Variants in RNF180 observed in about 807,000 individuals in gnomAD.
RNF180 encodes ring finger protein 180.
A neutral mutation model predicts 59.2 loss-of-function variants in RNF180; 38 were observed. That is an observed-to-expected ratio of 0.64 (90% CI 0.50 to 0.84). The LOEUF (loss-of-function observed/expected upper bound fraction) is 0.84. RNF180 is among the 40% of genes least tolerant of loss of function. RNF180 has a pLI of 0.00. For synonymous variants in RNF180, 262 were observed against 240.3 expected (o/e 1.09, Z -0.84); for missense variants, 705 against 700.9 (o/e 1.01, Z -0.07).
rs148349193 is a variant in RNF180, at chr5:64,333,214, A to G, written c.1579+2808A>G. ...TTTTTTTGAGACAAAGTCTGGCTCT[A>G]TCGCCCAGGCTAGAGTGTAGTGGCG... On this transcript the variant is annotated intron_variant, in intron 7 of 7. Coordinates refer to ENST00000389100, the MANE Select transcript of RNF180 (RefSeq NM_001113561.2). 8.7e-4 allele frequency among the ~76,000 whole-genome samples: 133 copies of G among 152,256 alleles called. 1 individual carries two copies. Among genetic ancestry groups the G allele is most frequent in the African/African-American group, 3.0e-3 (126 of 41,542 alleles).
chr5:64,214,134 C>T lies in RNF180; in HGVS notation c.808C>T (p.Pro270Ser). 1.2e-6 allele frequency: 2 copies of T among 1,614,072 alleles called. No homozygotes were observed. The highest frequency in any genetic ancestry group is 1.1e-5 in the South Asian group (1 of 91,084). Reference sequence around the variant, plus strand: ...ACAGCCTATTGACCTTTCAGGCTTGCCTTTACAATCTAGTAAAAATAGCTA... The same window carrying T: ...ACAGCCTATTGACCTTTCAGGCTTGTCTTTACAATCTAGTAAAAATAGCTA... The part of the protein sequence containing the change: ...ETQPIDLSGL[P>S]LQSSKNSYSF... Residue 270 changes from proline to serine, a missense_variant, in exon 4 of 8, where the codon CCT becomes TCT. By Grantham distance (74) the Pro-to-Ser change is moderately conservative. Transcript: ENST00000389100.
chr5:64,186,938 AGT>A (rs1484415175), intron 1 of RNF180, among the ~76,000 whole-genome samples: 2 of 152,172 alleles, frequency 1.3e-5, no homozygotes, highest in Non-Finnish European at 2.9e-5. Context: ...ATAAGAAAGT[AGT>A]GTGTTAGAAG....
At chr5:64,239,262 A>G (rs1183521478) in intron 5 of RNF180, among the ~76,000 whole-genome samples, 1 of 152,172 alleles carries the variant, frequency 6.6e-6, no homozygotes, top group African/African-American at 2.4e-5. Context: ...TGTTAGAAAC[A>G]TACGTACCTA....
intron 5 of RNF180, among the ~76,000 whole-genome samples, chr5:64,291,038 T>G (rs1742555382): frequency 1.3e-5 from 2 of 152,188 alleles, no homozygotes; most frequent in Non-Finnish European, 2.9e-5. Context: ...TGGTGACAAA[T>G]TCCCTCAGCA....
At chr5:64,291,727 C>G (rs1742600468) in intron 5 of RNF180, among the ~76,000 whole-genome samples, 1 of 151,994 alleles carries the variant, frequency 6.6e-6, no homozygotes, top group Non-Finnish European at 1.5e-5. Flanking sequence ...GTGCCCGGCC[C>G]TGAAGTATGT....
At chr5:64,332,828 A>C (rs1744965727) in intron 7 of RNF180, among the ~76,000 whole-genome samples, 2 of 152,198 alleles carry the variant, frequency 1.3e-5, no homozygotes, top group South Asian at 4.1e-4. Context: ...TGTGATCTTC[A>C]GGGAACAGGA....
chr5:64,317,173 T>C (rs961283612), intron 5 of RNF180, among the ~76,000 whole-genome samples: 1 of 152,144 alleles, frequency 6.6e-6, no homozygotes, highest in African/African-American at 2.4e-5. Context: ...TACACACACA[T>C]ATACAGGCAT....
chr5:64,271,285 G>A (rs1412460148), intron 5 of RNF180, among the ~76,000 whole-genome samples: 5 of 152,012 alleles, frequency 3.3e-5, no homozygotes, highest in Non-Finnish European at 7.4e-5. Flanking sequence ...CCTCTTTAAT[G>A]TGGAACATTT....
At chr5:64,276,293 C>A (rs1215465285) in intron 5 of RNF180, among the ~76,000 whole-genome samples, 2 of 146,422 alleles carry the variant, frequency 1.4e-5, no homozygotes, top group African/African-American at 2.5e-5. Flanking sequence ...TCATGGATAA[C>A]CAGAACTGGG....
intron 1 of RNF180, among the ~76,000 whole-genome samples, chr5:64,171,473 G>T (rs886931860): frequency 2.0e-5 from 3 of 152,120 alleles, no homozygotes; most frequent in Non-Finnish European, 4.4e-5. Context: ...ACAGACTATT[G>T]CAAGTACATG....
At chr5:64,304,439 A>G (rs913294673) in intron 5 of RNF180, among the ~76,000 whole-genome samples, 1 of 151,596 alleles carries the variant, frequency 6.6e-6, no homozygotes, top group African/African-American at 2.4e-5. Flanking sequence ...CATGAGTCCT[A>G]TGAGAGGGTG....
At chr5:64,323,567 T>C (rs979827599) in intron 5 of RNF180, among the ~76,000 whole-genome samples, 2 of 151,760 alleles carry the variant, frequency 1.3e-5, no homozygotes, top group Non-Finnish European at 2.9e-5. Flanking sequence ...TAGAATATAA[T>C]AACAGTAAAC....
chr5:64,292,873 A>C lies in RNF180; in HGVS notation c.1228-32313A>C, dbSNP rs142331931. 8.4e-4 allele frequency among the ~76,000 whole-genome samples: 128 copies of C among 152,288 alleles called. 1 individual carries two copies. The highest frequency in any genetic ancestry group is 3.0e-3 in the African/African-American group (123 of 41,572). On this transcript the variant is annotated intron_variant, in intron 5 of 7. Transcript: ENST00000389100. Reference sequence around the variant, plus strand: ...GGCCCCACCCAGTGAGGAGGGATGCATTGGGGTCCCACTCAAAGAAGCGGT... The same window carrying C: ...GGCCCCACCCAGTGAGGAGGGATGCCTTGGGGTCCCACTCAAAGAAGCGGT...
At chr5:64,203,531 T>C (rs1287672512) in intron 2 of RNF180, among the ~76,000 whole-genome samples, 1 of 152,158 alleles carries the variant, frequency 6.6e-6, no homozygotes, top group African/African-American at 2.4e-5. Context: ...TAGATTTATA[T>C]GTAAAATAAA....
chr5:64,192,516 AC>A (rs1206874693), intron 1 of RNF180, among the ~76,000 whole-genome samples: 2 of 151,932 alleles, frequency 1.3e-5, no homozygotes, highest in Non-Finnish European at 2.9e-5. Context: ...TAGTACAAAT[AC>A]AAAAATTACC....
At chr5:64,367,689 T>C (rs566092593) in intron 7 of RNF180, among the ~76,000 whole-genome samples, 42 of 151,790 alleles carry the variant, frequency 2.8e-4, no homozygotes, top group African/African-American at 1.0e-3. Context: ...ATAAGCAGCC[T>C]GACCTAGAGA....
At chr5:64,354,984 G>A (rs1745960835) in intron 7 of RNF180, among the ~76,000 whole-genome samples, 1 of 151,830 alleles carries the variant, frequency 6.6e-6, no homozygotes, top group Non-Finnish European at 1.5e-5. Context: ...GTGAAAAACT[G>A]AAAGCTTTCC....
rs1749606645 is a variant in RNF180, at chr5:64,165,959, G to A, written c.-1+6G>A. 6.5e-6 allele frequency: 1 copy of A among 153,134 alleles called. No individual in the cohort carries two copies. The highest frequency in any genetic ancestry group is 2.0e-4 in the South Asian group (1 of 5,090). The allele number at this position is 153,134 out of a possible 1,614,324, so 9.5% of individuals were successfully genotyped here. A position where few individuals can be genotyped will look rare whatever the true frequency, so the allele number is the denominator to read the frequency against. ...GCTCCGGGACGTGGATACAGGTAAA[G>A]GCCGGCGGGTCGGAGTCGGGCGGGG... On this transcript the variant is annotated splice_donor_region_variant and intron_variant, in intron 1 of 7. Transcript: ENST00000389100.
At chr5:64,245,338 G>T (rs570961941) in intron 5 of RNF180, among the ~76,000 whole-genome samples, 2 of 152,278 alleles carry the variant, frequency 1.3e-5, no homozygotes, top group South Asian at 4.1e-4. Flanking sequence ...TGGATAAAGA[G>T]TCTAGACCCA....
Sources: gnomAD v4.1 joint callset for allele counts (sites outside exome capture counted in the v4.1 genomes callset) on GRCh38, gnomAD v4.1.1 for gene constraint, MANE v1.5 for transcripts, NCBI Gene and HGNC (gene_info 2026-07-23, HGNC 2026-07-21) for gene names.